MMUT: variants seen among roughly 807,000 people sequenced by gnomAD.
MMUT encodes methylmalonyl-CoA mutase, mitochondrial.
In MMUT, 79 loss-of-function variants were observed where a neutral mutation model predicts 79.9. That is an observed-to-expected ratio of 0.99 (90% CI 0.82 to 1.19). The LOEUF (loss-of-function observed/expected upper bound fraction) is 1.19. Among genes scored for constraint, MMUT ranks in the 50% most tolerant of loss-of-function variants. The pLI is 0.00. For synonymous variants in MMUT, 273 were observed against 295.7 expected (o/e 0.92, Z 0.79); for missense variants, 860 against 917.2 (o/e 0.94, Z 0.81).
chr6:49,437,324 C>T (rs527802667), intron 11 of MMUT, among the ~76,000 whole-genome samples: 7 of 151,826 alleles, frequency 4.6e-5, no homozygotes, highest in Non-Finnish European at 7.4e-5. Flanking sequence ...CCAATTTCAC[C>T]CTATTAACAT....
intron 1 of MMUT, among the ~76,000 whole-genome samples, chr6:49,460,846 A>G (rs1022544402): frequency 6.6e-6 from 1 of 152,244 alleles, no homozygotes; most frequent in Non-Finnish European, 1.5e-5. Flanking sequence ...TCGTTAAACA[A>G]GAGACATAAA....
chr6:49,439,022 G>C (rs936523945), intron 11 of MMUT, among the ~76,000 whole-genome samples: 3 of 152,052 alleles, frequency 2.0e-5, no homozygotes. Flanking sequence ...TATATATAAA[G>C]GCTGAGGGAG....
chr6:49,458,633 C>T (rs924299569), intron 2 of MMUT, among the ~76,000 whole-genome samples: 12 of 152,190 alleles, frequency 7.9e-5, no homozygotes, highest in Non-Finnish European at 1.2e-4. Flanking sequence ...AATTTTATTA[C>T]AGCTCAGAAA....
chr6:49,440,151 T>G, intron 11 of MMUT, 55 bp downstream of exon 11: 1 of 1,588,696 alleles, frequency 6.3e-7, no homozygotes, highest in Non-Finnish European at 8.6e-7. Flanking sequence ...CTACATTTTC[T>G]AAATGTAAGT....
In MMUT at chr6:49,450,270, G is replaced by A. The variant is rs146972295; in HGVS notation, c.1332+1196C>T. Reference sequence around the variant, plus strand: ...AAAGATAAGAACATCAGCACATCAGGATATTATTTAAGGAGGTCCGTAGCT... The same window carrying A: ...AAAGATAAGAACATCAGCACATCAGAATATTATTTAAGGAGGTCCGTAGCT... On this transcript the variant is annotated intron_variant, in intron 6 of 12. Coordinates refer to ENST00000274813, the MANE Select transcript of MMUT (RefSeq NM_000255.4). Among the ~76,000 whole-genome samples, 470 of 150,674 alleles carry A rather than the reference G, an allele frequency of 3.1e-3. 2 individuals carry two copies. The highest frequency in any genetic ancestry group is 0.011 in the African/African-American group (446 of 41,160).
At chr6:49,458,163 C>T (rs1581835274) in intron 2 of MMUT, 105 bp from the exon 3 acceptor site, 2 of 1,124,560 alleles carry the variant, frequency 1.8e-6, no homozygotes, top group South Asian at 2.9e-5. Flanking sequence ...CATAACAGTA[C>T]ACTTTTATAA....
At chr6:49,448,224 C>T (rs904019655) in intron 7 of MMUT, among the ~76,000 whole-genome samples, 3 of 151,994 alleles carry the variant, frequency 2.0e-5, no homozygotes, top group African/African-American at 4.8e-5. Flanking sequence ...TACTTCCTTA[C>T]ATGATAAAGA....
chr6:49,448,423 T>C (rs1271251139), intron 7 of MMUT, among the ~76,000 whole-genome samples: 2 of 152,182 alleles, frequency 1.3e-5, no homozygotes, highest in African/African-American at 4.8e-5. Context: ...ATAGAGGTCA[T>C]GTCTGTCCTG....
chr6:49,446,633 A>G (rs1767416246), intron 8 of MMUT, among the ~76,000 whole-genome samples: 2 of 151,868 alleles, frequency 1.3e-5, no homozygotes, highest in Non-Finnish European at 3.0e-5. Flanking sequence ...CACAAAAACA[A>G]CAATTCAAGA....
intron 12 of MMUT, among the ~76,000 whole-genome samples, chr6:49,433,296 G>A (rs912208427): frequency 1.3e-5 from 2 of 152,142 alleles, no homozygotes; most frequent in African/African-American, 2.4e-5. Flanking sequence ...TGACATCTGA[G>A]TTATGGATTT....
rs370574701 is a variant in MMUT, at chr6:49,453,777, C to A, written c.912-21G>T. 24 of 1,591,320 alleles carry A rather than the reference C, an allele frequency of 1.5e-5. No individual in the cohort carries two copies. In the African/African-American group the frequency reaches 2.8e-4, roughly 19 times the overall value. On this transcript the variant is annotated intron_variant, in intron 4 of 12. Transcript: ENST00000274813. ...ACAACCTAAAATAGTAACGTTAGGT[C>A]CAGAATTTAATTAAAGTTAACAATA...
chr6:49,443,969 G>A lies in MMUT; in HGVS notation c.1676+670C>T, dbSNP rs1309099322. Among the ~76,000 whole-genome samples the A allele has an allele frequency of 2.0e-5, 3 of 152,152 alleles. No homozygotes were observed. The East Asian group carries it at 5.8e-4, about 29-fold the overall frequency. On this transcript the variant is annotated intron_variant, in intron 9 of 12. Coordinates refer to ENST00000274813, the MANE Select transcript of MMUT (RefSeq NM_000255.4). Reference sequence around the variant, plus strand: ...GGTCAATAATGTTAAATACTGTAGAGAATTCAAGATAAGGACTAAAAATTA... The same window carrying A: ...GGTCAATAATGTTAAATACTGTAGAAAATTCAAGATAAGGACTAAAAATTA...
intron 11 of MMUT, among the ~76,000 whole-genome samples, chr6:49,437,662 G>A (rs1227308234): frequency 6.6e-6 from 1 of 152,062 alleles, no homozygotes; most frequent in Non-Finnish European, 1.5e-5. Flanking sequence ...CTACATATCT[G>A]TAAGTAGTCC....
At chr6:49,461,963 A>T (rs1003889491) in intron 1 of MMUT, among the ~76,000 whole-genome samples, 2 of 152,224 alleles carry the variant, frequency 1.3e-5, no homozygotes, top group African/African-American at 4.8e-5. Flanking sequence ...TTTGAAAACC[A>T]CCTGAGACTA....
intron 9 of MMUT, among the ~76,000 whole-genome samples, chr6:49,442,932 A>C (rs1767314950): frequency 6.6e-6 from 1 of 152,172 alleles, no homozygotes; most frequent in Non-Finnish European, 1.5e-5. Flanking sequence ...AAAGGACTTT[A>C]ATAAAAGTCA....
rs1187669963 is a variant in MMUT at position 49,445,639 on chromosome 6, T to A, written c.1561-885A>T. 2.0e-5 allele frequency among the ~76,000 whole-genome samples: 3 copies of A among 152,084 alleles called. No individual in the cohort carries two copies. In the South Asian group the frequency reaches 6.2e-4, roughly 31 times the overall value. On this transcript the variant is annotated intron_variant, in intron 8 of 12. Transcript: ENST00000274813. The stretch of plus-strand genomic sequence containing the variant: ...AAATCATCTCTAGATTACTTATAAT[T>A]CCTAATACAATGTAAATACTATATA...
intron 1 of MMUT, among the ~76,000 whole-genome samples, chr6:49,462,208 A>G (rs896499168): frequency 2.0e-5 from 3 of 152,246 alleles, no homozygotes; most frequent in Non-Finnish European, 4.4e-5. Context: ...AGCAACATGC[A>G]AAGCAAATAT....
intron 12 of MMUT, among the ~76,000 whole-genome samples, chr6:49,434,703 C>T (rs1262631808): frequency 1.3e-5 from 2 of 152,042 alleles, no homozygotes; most frequent in Non-Finnish European, 2.9e-5. Flanking sequence ...AAGGTGTCTC[C>T]CTACCTCATT....
chr6:49,439,954 A>T (rs529244367), intron 11 of MMUT, among the ~76,000 whole-genome samples: 1 of 152,340 alleles, frequency 6.6e-6, no homozygotes, highest in Admixed American at 6.5e-5. Context: ...ATTATGACAA[A>T]GCCAGAGAGT....
Sources: gnomAD v4.1 joint callset for allele counts (sites outside exome capture counted in the v4.1 genomes callset) on GRCh38, gnomAD v4.1.1 for gene constraint, MANE v1.5 for transcripts, NCBI Gene and HGNC (gene_info 2026-07-23, HGNC 2026-07-21) for gene names.